TAS1R1: variants seen among roughly 807,000 people sequenced by gnomAD.
The protein encoded by TAS1R1 is taste 1 receptor member 1.
TAS1R1 carries 31 observed loss-of-function variants against 45.8 expected under a neutral mutation model. The observed-to-expected ratio is 0.68, with a 90% CI of 0.51 to 0.91. TAS1R1 has a LOEUF of 0.91. Among genes scored for constraint, TAS1R1 ranks in the 40% least tolerant of loss-of-function variants. The pLI, the probability that TAS1R1 is intolerant of heterozygous loss-of-function variation, is 0.00. For synonymous variants in TAS1R1, 437 were observed against 448.4 expected (o/e 0.97, Z 0.32); for missense variants, 1,051 against 1,063.9 (o/e 0.99, Z 0.17).
At chr1:6,555,863 CTTCTTTTTTTTTT>C (rs1639669171) in intron 1 of TAS1R1, among the ~76,000 whole-genome samples, 1 of 48,746 alleles carries the variant, frequency 2.1e-5, no homozygotes, top group Non-Finnish European at 4.4e-5. Context: ...CTTTTTCCCT[CTTCTTTTTTTTTT>C]TTTTTTTTTT....
rs1640098966 is a variant in TAS1R1, at chr1:6,574,340, C to T, written c.499-291C>T. Among the ~76,000 whole-genome samples the T allele has an allele frequency of 6.6e-6, 1 of 152,232 alleles. No individual in the cohort carries two copies. The highest frequency in any genetic ancestry group is 6.5e-5 in the Admixed American group (1 of 15,284). On this transcript the variant is annotated intron_variant, in intron 2 of 5. Coordinates refer to ENST00000333172, the MANE Select transcript of TAS1R1 (RefSeq NM_138697.4). This position sits in a 1 kb window ranked among gnomAD's most constrained non-coding sequence, Gnocchi z 4.3. ...GCTTCTCTTCTTCCTTGCAAACTGC[C>T]TCCAGTGGAAGTCCCTGAAGGTCCC...
chr1:6,555,902 C>T (rs182747530), intron 1 of TAS1R1, among the ~76,000 whole-genome samples: 67 of 100,358 alleles, frequency 6.7e-4, no homozygotes, highest in Non-Finnish European at 1.1e-3. Flanking sequence ...GACGGAGTCT[C>T]GCTCTTTCAC....
In TAS1R1 at chr1:6,578,960, C is replaced by G. The variant is rs1206248789; in HGVS notation, c.1902C>G (p.Arg634=). 1.9e-6 allele frequency: 3 copies of G among 1,614,024 alleles called. No homozygotes were observed. The African/African-American group carries it at 4.0e-5, about 22-fold the overall frequency. ...GEPTRPACLL[R]QALFALGFTI... is the part of the protein sequence containing the mutation. ...CCACAAGGCCTGCGTGCTTGCTACG[C>G]CAGGCCCTCTTTGCCCTTGGTTTCA... The change falls in exon 6 of 6, where the codon CGC becomes CGG. Residue 634 remains arginine, a synonymous_variant. Transcript: ENST00000333172.
chr1:6,556,485 C>T (rs756365960), intron 1 of TAS1R1, among the ~76,000 whole-genome samples: 2 of 151,968 alleles, frequency 1.3e-5, no homozygotes, highest in African/African-American at 4.8e-5. Flanking sequence ...ACTGCAACCT[C>T]CTCCTCCTGG....
In TAS1R1 at chr1:6,555,530, G is replaced by C; in HGVS notation, c.157G>C (p.Val53Leu). The C allele has an allele frequency of 6.4e-7, 1 of 1,556,244 alleles. No homozygotes were observed. The highest frequency in any genetic ancestry group is 2.4e-5 in the East Asian group (1 of 41,346). The change falls in exon 1 of 6, where the codon GTG becomes CTG. Residue 53 changes from valine to leucine, a missense_variant. Val to Leu is a conservative substitution (Grantham distance 32). Transcript: ENST00000333172. ...LFPLHSGCLQ[V>L]RHRPEVTLCD... ...CCCTCTCCATTCTGGCTGTCTGCAGGTGAGGCACAGACCCGAGGTGACCCT... is the reference window on the plus strand; with the variant it reads ...CCCTCTCCATTCTGGCTGTCTGCAGCTGAGGCACAGACCCGAGGTGACCCT...
chr1:6,572,734 C>T (rs1477560945), intron 2 of TAS1R1, among the ~76,000 whole-genome samples: 2 of 152,112 alleles, frequency 1.3e-5, no homozygotes, highest in East Asian at 1.9e-4. Flanking sequence ...TCCCCTTTTC[C>T]AGTTCCCAGG....
Position 6,579,612 on chromosome 1 carries a change from G to T in TAS1R1, c.*28G>T, listed in dbSNP as rs1178256767. 1.3e-6 allele frequency: 2 copies of T among 1,579,250 alleles called. No individual in the cohort carries two copies. Among genetic ancestry groups the T allele is most frequent in the Non-Finnish European group, 8.6e-7 (1 of 1,166,830 alleles). ...AGTGGGTCAGCAGGCACGGCTGGCA[G>T]CCTTCTCTGCCCTGAGGGTCGAAGG... On this transcript the variant is annotated 3_prime_UTR_variant, in exon 6 of 6. Coordinates refer to ENST00000333172, the MANE Select transcript of TAS1R1 (RefSeq NM_138697.4).
At chr1:6,558,385 G>A (rs1639723668) in intron 1 of TAS1R1, among the ~76,000 whole-genome samples, 1 of 152,070 alleles carries the variant, frequency 6.6e-6, no homozygotes, top group Non-Finnish European at 1.5e-5. Flanking sequence ...GAGTTGTGTA[G>A]TCAAACATCA....
chr1:6,557,679 C>A (rs1011912210), intron 1 of TAS1R1, among the ~76,000 whole-genome samples: 1 of 152,168 alleles, frequency 6.6e-6, no homozygotes, highest in African/African-American at 2.4e-5. Context: ...TCAAGTGATT[C>A]TCCTGCCTGG....
intron 1 of TAS1R1, among the ~76,000 whole-genome samples, chr1:6,563,434 T>C (rs553022153): frequency 2.2e-4 from 33 of 152,344 alleles, no homozygotes; most frequent in African/African-American, 7.7e-4. Context: ...AGTTGTACTA[T>C]GCGCCGTGTC....
At position 6,576,825 on chromosome 1, in the gene TAS1R1, C is replaced by T. The variant is rs75784586; in HGVS notation, c.1474-125C>T. 3.9e-3 allele frequency: 5,875 copies of T among 1,514,920 alleles called. 174 individuals are homozygous for T. The African/African-American group carries it at 0.069, about 18-fold the overall frequency. The allele number at this position is 1,514,920 out of a possible 1,614,324, so 93.8% of individuals were successfully genotyped here. On this transcript the variant is annotated intron_variant, in intron 4 of 5. Coordinates refer to ENST00000333172, the MANE Select transcript of TAS1R1 (RefSeq NM_138697.4). ...AGATGCCCTGGGGCGGAAGTTCACA[C>T]GACCAGGGGCCCTGCCCTGGGAGTG... is the stretch of plus-strand genomic sequence containing the variant.
In TAS1R1 at chr1:6,579,719, AC is replaced by A; in HGVS notation, c.*137del. ...CGTGTAAGCGCCTGGGAGAGCCTAG[AC>A]CAGGCTCCGGGCTGCCAATAAAGAA... On this transcript the variant is annotated 3_prime_UTR_variant, in exon 6 of 6. Coordinates refer to ENST00000333172, the MANE Select transcript of TAS1R1 (RefSeq NM_138697.4). 1.6e-6 allele frequency: 2 copies of A among 1,239,588 alleles called. No homozygotes were observed. Among genetic ancestry groups the A allele is most frequent in the South Asian group, 1.5e-5 (1 of 65,050 alleles). 76.8% of individuals were successfully genotyped at this position (1,239,588 alleles called of 1,614,324 possible).
intron 5 of TAS1R1, 149 bp from the exon 6 acceptor site, chr1:6,578,504 C>A: frequency 7.2e-7 from 1 of 1,398,492 alleles, no homozygotes; most frequent in Non-Finnish European, 9.4e-7. Flanking sequence ...TGCGTGGCCT[C>A]AGGCCCCACT....
intron 2 of TAS1R1, among the ~76,000 whole-genome samples, chr1:6,572,300 ACT>A (rs1383738950): frequency 1.6e-5 from 2 of 128,896 alleles, no homozygotes; most frequent in Non-Finnish European, 3.1e-5. Flanking sequence ...ACACAGTCTC[ACT>A]CTGACACTCA....
Position 6,579,030 on chromosome 1 carries a change from ATCATCT to A in TAS1R1, c.1976_1981del (p.Ile659_Phe660del). The A allele has an allele frequency of 6.2e-7, 1 of 1,613,094 alleles. No homozygotes were observed. Among genetic ancestry groups the A allele is most frequent in the Non-Finnish European group, 8.5e-7 (1 of 1,179,328 alleles). On this transcript the variant is annotated inframe_deletion, in exon 6 of 6. Coordinates refer to ENST00000333172, the MANE Select transcript of TAS1R1 (RefSeq NM_138697.4). ...GACAGTTCGCTCATTCCAACTAATC[ATCATCT>A]TCAAGTTTTCCACCAAGGTACCTAC...
chr1:6,575,998 T>A (rs1640163151), intron 3 of TAS1R1, among the ~76,000 whole-genome samples: 1 of 152,070 alleles, frequency 6.6e-6, no homozygotes, highest in Non-Finnish European at 1.5e-5. Flanking sequence ...CCGGCCTAAT[T>A]TTTGTATTTT....
chr1:6,560,466 G>C (rs1215289354), intron 1 of TAS1R1, among the ~76,000 whole-genome samples: 2 of 152,216 alleles, frequency 1.3e-5, no homozygotes, highest in Non-Finnish European at 2.9e-5. Context: ...CTGTTTCTGG[G>C]TAAACCCACT....
intron 2 of TAS1R1, among the ~76,000 whole-genome samples, chr1:6,573,639 C>CATTT (rs908318759): frequency 2.0e-4 from 30 of 151,930 alleles, no homozygotes; most frequent in Middle Eastern, 3.4e-3. Flanking sequence ...AAGTGCATTA[C>CATTT]ATTTATTTAT....
chr1:6,560,401 T>A (rs561613982), intron 1 of TAS1R1, among the ~76,000 whole-genome samples: 4 of 152,320 alleles, frequency 2.6e-5, no homozygotes, highest in African/African-American at 9.6e-5. Context: ...CAGCCCAGGC[T>A]TACAGACTAG....
Sources: gnomAD v4.1 joint callset for allele counts (sites outside exome capture counted in the v4.1 genomes callset) on GRCh38, gnomAD v4.1.1 for gene constraint, Gnocchi (gnomAD v3.1) non-coding constraint, MANE v1.5 for transcripts, NCBI Gene and HGNC (gene_info 2026-07-23, HGNC 2026-07-21) for gene names.